The following ITGA6 variants were observed in gnomAD, a reference collection of about 807,000 sequenced individuals.
The protein encoded by ITGA6 is integrin alpha-6.
ITGA6 carries 63 observed loss-of-function variants against 133.6 expected under a neutral mutation model. The observed-to-expected ratio is 0.47, with a 90% confidence interval of 0.38 to 0.58. The LOEUF is 0.58. ITGA6 is among the 20% of genes least tolerant of loss of function. ITGA6 has a pLI of 0.00. For missense variants in ITGA6, 1,068 were observed against 1,309.4 expected, an observed-to-expected ratio of 0.82 and a Z score of 2.85; for synonymous variants, 434 against 482.0, an observed-to-expected ratio of 0.90 and a Z score of 1.30.
At chr2:172,500,498 C>T (rs1216369719) in intron 24 of ITGA6, among the ~76,000 whole-genome samples, 6 of 152,096 alleles carry the variant, frequency 3.9e-5, no homozygotes, top group South Asian at 2.1e-4. Context: ...GGCATGGTGG[C>T]GGGCACCTGT....
Position 172,491,263 on chromosome 2 carries a change from C to T in ITGA6, c.2821C>T (p.Leu941=), listed in dbSNP as rs761535575. The T allele has an allele frequency of 8.7e-6, 14 of 1,613,180 alleles. No homozygotes were observed. The highest frequency in any genetic ancestry group is 1.0e-5 in the Non-Finnish European group (12 of 1,179,110). The part of the protein sequence containing the change: ...NVNCVNIRCP[L]RGLDSKASLI... ...GAACTGTGTGAACATCAGATGCCCG[C>T]TGCGGGGGCTGGACAGCAAGGCGTC... is the stretch of plus-strand genomic sequence containing the variant. The change falls in exon 22 of 26, where the codon CTG becomes TTG. Residue 941 remains leucine, a synonymous_variant. Transcript: ENST00000684293. This position sits in a 1 kb window ranked among gnomAD's most constrained non-coding sequence, Gnocchi z 4.4.
At chr2:172,450,318 A>G (rs1684934952) in intron 1 of ITGA6, among the ~76,000 whole-genome samples, 1 of 152,222 alleles carries the variant, frequency 6.6e-6, no homozygotes, top group African/African-American at 2.4e-5. Context: ...CGGGTGGAAC[A>G]AGAGTAGAAG....
rs200823590 is a variant in ITGA6 at position 172,465,628 on chromosome 2, G to A, written c.272G>A (p.Arg91Gln). ...CTGTACAGCTGCGACATCACCGCCC[G>A]GGGGCCATGCACGCGGATCGAGTTT... ...GGLYSCDITA[R>Q]GPCTRIEFDN... The change falls in exon 2 of 26, where the codon CGG (arginine) becomes CAG (glutamine). Residue 91 changes from arginine to glutamine, a missense_variant. Transcript: ENST00000684293. The A allele has an allele frequency of 8.1e-6, 13 of 1,614,176 alleles. No individual in the cohort carries two copies. The highest frequency in any genetic ancestry group is 4.0e-5 in the African/African-American group (3 of 75,054).
intron 1 of ITGA6, among the ~76,000 whole-genome samples, chr2:172,452,023 T>C (rs1685025983): frequency 6.6e-6 from 1 of 151,596 alleles, no homozygotes; most frequent in African/African-American, 2.4e-5. Context: ...TTGGTAATTT[T>C]ACCTATTAAG....
In ITGA6 at chr2:172,505,181, A is replaced by T. The variant is rs182995734; in HGVS notation, c.*1113A>T. 6 of 152,760 alleles carry T rather than the reference A, an allele frequency of 3.9e-5. No individual in the cohort carries two copies. In the East Asian group the frequency reaches 7.7e-4, roughly 20 times the overall value. 9.5% of individuals were successfully genotyped at this position (152,760 alleles called of 1,614,324 possible). ...TTATAACTGTAAAGATGTTTATTTC[A>T]GGCATTGGATATTTTTTACTTTAGA... On this transcript the variant is annotated 3_prime_UTR_variant, in exon 26 of 26. Coordinates refer to ENST00000684293, the MANE Select transcript of ITGA6 (RefSeq NM_000210.4).
At chr2:172,438,573 T>C (rs189276832) in intron 1 of ITGA6, among the ~76,000 whole-genome samples, 1 of 151,862 alleles carries the variant, frequency 6.6e-6, no homozygotes, top group Non-Finnish European at 1.5e-5. Flanking sequence ...AAATTACTTA[T>C]CTTCATTGGT....
At chr2:172,463,476 G>T (rs1685518731) in intron 1 of ITGA6, among the ~76,000 whole-genome samples, 1 of 152,124 alleles carries the variant, frequency 6.6e-6, no homozygotes, top group Non-Finnish European at 1.5e-5. Context: ...AACAGTTTTG[G>T]TTGTGATGTT....
chr2:172,480,494 C>T (rs1412478620), intron 11 of ITGA6, among the ~76,000 whole-genome samples: 1 of 152,112 alleles, frequency 6.6e-6, no homozygotes, highest in Non-Finnish European at 1.5e-5. Flanking sequence ...GCCTTCTCTT[C>T]CCCACGCCCC....
At chr2:172,442,020 A>G (rs1291524754) in intron 1 of ITGA6, among the ~76,000 whole-genome samples, 1 of 152,146 alleles carries the variant, frequency 6.6e-6, no homozygotes, top group Non-Finnish European at 1.5e-5. Flanking sequence ...CATCATAGAG[A>G]GGTACCATCC....
At chr2:172,487,522 G>A in intron 15 of ITGA6, 25 bp from the exon 16 acceptor site, 2 of 1,612,594 alleles carry the variant, frequency 1.2e-6, no homozygotes, top group East Asian at 2.2e-5. Flanking sequence ...AGTGGATTGT[G>A]ACCTAGCGTG....
chr2:172,436,892 G>A (rs1684345425), intron 1 of ITGA6, among the ~76,000 whole-genome samples: 1 of 152,224 alleles, frequency 6.6e-6, no homozygotes, highest in African/African-American at 2.4e-5. Context: ...AATTAATGCA[G>A]AAGTGTTAAT....
intron 24 of ITGA6, among the ~76,000 whole-genome samples, chr2:172,498,304 T>G (rs1320178822): frequency 6.6e-6 from 1 of 152,248 alleles, no homozygotes; most frequent in Non-Finnish European, 1.5e-5. Context: ...AAGTATATTA[T>G]TTGTACACAA....
At chr2:172,465,448 G>A (rs1685616585) in intron 1 of ITGA6, 91 bp from the exon 2 acceptor site, 2 of 1,469,226 alleles carry the variant, frequency 1.4e-6, no homozygotes, top group East Asian at 2.3e-5. Context: ...CCTAGACAAA[G>A]AATAATCCCA....
At chr2:172,446,826 T>G (rs1158975618) in intron 1 of ITGA6, among the ~76,000 whole-genome samples, 1 of 152,224 alleles carries the variant, frequency 6.6e-6, no homozygotes, top group Non-Finnish European at 1.5e-5. Context: ...CAGTGTTTTA[T>G]TGTGGCTCTT....
At chr2:172,453,945 GAGA>G (rs777214626) in intron 1 of ITGA6, among the ~76,000 whole-genome samples, 34 of 152,212 alleles carry the variant, frequency 2.2e-4, no homozygotes, top group Admixed American at 3.9e-4. Flanking sequence ...TCTGGGGAGG[GAGA>G]AGGACAGTGA....
chr2:172,485,093 T>C (rs1574395987), intron 12 of ITGA6, 28 bp from the exon 13 acceptor site: 1 of 1,612,628 alleles, frequency 6.2e-7, no homozygotes, highest in East Asian at 2.2e-5. Context: ...ACACCCCACT[T>C]AACTCTGACT....
At position 172,439,703 on chromosome 2, in the gene ITGA6, G is replaced by A. The variant is rs139447947; in HGVS notation, c.182+11733G>A. ...ATTCAGTGCTTTTGTGAAAATGGCT[G>A]GGAAGCATTGACCAGCTCAACCTTT... On this transcript the variant is annotated intron_variant, in intron 1 of 25. Transcript: ENST00000684293. Among the ~76,000 whole-genome samples, 439 of 148,518 alleles carry A rather than the reference G, an allele frequency of 3.0e-3. 6 individuals carry two copies. Among genetic ancestry groups the A allele is most frequent in the African/African-American group, 0.01 (422 of 41,362 alleles).
At chr2:172,428,080 C>CG in intron 1 of ITGA6, 110 bp downstream of exon 1, 2 of 1,119,072 alleles carry the variant, frequency 1.8e-6, no homozygotes, top group Non-Finnish European at 2.3e-6. Flanking sequence ...GCCCGTGGGT[C>CG]GCGCCCGGGC....
rs771590190 is a variant in ITGA6, at chr2:172,465,647, C to A, written c.291C>A (p.Ile97=). 6.2e-7 allele frequency: 1 copy of A among 1,614,096 alleles called. No individual in the cohort carries two copies. Among genetic ancestry groups the A allele is most frequent in the African/African-American group, 1.3e-5 (1 of 74,932 alleles). Residue 97 remains isoleucine, a synonymous_variant, in exon 2 of 26, where the codon ATC becomes ATA. Coordinates refer to ENST00000684293, the MANE Select transcript of ITGA6 (RefSeq NM_000210.4). The stretch of plus-strand genomic sequence containing the variant: ...CCGCCCGGGGGCCATGCACGCGGAT[C>A]GAGTTTGATAACGATGGTGCGTTCC... ...DITARGPCTR[I]EFDNDADPTS...
Sources: allele counts gnomAD v4.1 joint callset (sites outside exome capture counted in the v4.1 genomes callset), GRCh38; gene constraint gnomAD v4.1.1; non-coding constraint Gnocchi (gnomAD v3.1); transcripts MANE v1.5; gene names NCBI Gene and HGNC (gene_info 2026-07-23, HGNC 2026-07-21).